TMEM232: variants seen among roughly 807,000 people sequenced by gnomAD.
The protein encoded by TMEM232 is transmembrane protein 232.
A neutral mutation model predicts 78.8 loss-of-function variants in TMEM232; 80 were observed. The ratio of observed to expected loss-of-function variants is 1.01; its 90% CI spans 0.85 to 1.22. The LOEUF is 1.22. Ranked by LOEUF, TMEM232 falls within the 50% of genes most tolerant of loss-of-function variation. The pLI is 0.00. For missense variants in TMEM232, 881 were observed against 742.2 expected (o/e 1.19, Z -2.17); for synonymous variants, 297 against 254.3 (o/e 1.17, Z -1.60).
intron 8 of TMEM232, among the ~76,000 whole-genome samples, chr5:110,617,407 G>GAATT: frequency 6.6e-6 from 1 of 152,108 alleles, no homozygotes; most frequent in African/African-American, 2.4e-5. Context: ...ATTGCTAATA[G>GAATT]AGTAAATTTT....
chr5:110,553,509 C>T (rs1474915287), intron 11 of TMEM232, among the ~76,000 whole-genome samples: 1 of 151,992 alleles, frequency 6.6e-6, no homozygotes, highest in East Asian at 1.9e-4. Context: ...ATTGCATCCT[C>T]ATTTGTCTTT....
At chr5:110,536,923 C>T (rs992967965) in intron 11 of TMEM232, among the ~76,000 whole-genome samples, 1 of 152,132 alleles carries the variant, frequency 6.6e-6, no homozygotes, top group Non-Finnish European at 1.5e-5. Flanking sequence ...TTAAGAAACA[C>T]TCATAATGGG....
intron 2 of TMEM232, among the ~76,000 whole-genome samples, chr5:110,659,461 T>C (rs1357177715): frequency 6.6e-6 from 1 of 152,060 alleles, no homozygotes; most frequent in Non-Finnish European, 1.5e-5. Flanking sequence ...CACTTACAGG[T>C]GCCTGGGAGA....
chr5:110,658,033 C>T (rs909265494), intron 2 of TMEM232, among the ~76,000 whole-genome samples: 9 of 152,016 alleles, frequency 5.9e-5, no homozygotes, highest in South Asian at 2.1e-4. Context: ...GTGTATATTA[C>T]GTTTGAATGT....
intron 5 of TMEM232, chr5:110,628,909 A>C (rs1158264823): frequency 6.6e-6 from 1 of 152,078 alleles, no homozygotes; most frequent in Admixed American, 6.6e-5. Context: ...TGATTTCCAA[A>C]TATTTTTTAT....
At position 110,680,070 on chromosome 5, in the gene TMEM232, T is replaced by A. The variant is rs1053955955; in HGVS notation, c.-12-12706A>T. On this transcript the variant is annotated intron_variant, in intron 1 of 13. Coordinates refer to ENST00000455884, the MANE Select transcript of TMEM232 (RefSeq NM_001039763.4). ...GGAGTTGTCCAGGAATGTGTGTTTG[T>A]CCTGTTTTGTTTCAAGCTCCCCAGG... Among the ~76,000 whole-genome samples, 8 of 152,176 alleles carry A rather than the reference T, an allele frequency of 5.3e-5. No homozygotes were observed. The South Asian group carries it at 1.2e-3, about 24-fold the overall frequency.
At chr5:110,537,299 T>A (rs1305523039) in intron 11 of TMEM232, among the ~76,000 whole-genome samples, 3 of 151,814 alleles carry the variant, frequency 2.0e-5, no homozygotes, top group Non-Finnish European at 2.9e-5. Context: ...ATATTTTTTT[T>A]TTTCTGCAAT....
intron 3 of TMEM232, among the ~76,000 whole-genome samples, chr5:110,391,291 A>AAG (rs1554071702): frequency 7.7e-6 from 1 of 130,578 alleles, no homozygotes; most frequent in Non-Finnish European, 1.6e-5. Context: ...TCCCGTTTGA[A>AAG]TGTGTGTGTG....
At chr5:110,693,024 C>G (rs996486837) in intron 1 of TMEM232, among the ~76,000 whole-genome samples, 6 of 152,178 alleles carry the variant, frequency 3.9e-5, no homozygotes, top group Non-Finnish European at 8.8e-5. Flanking sequence ...GGTCCCTGAC[C>G]CCCGAGTAGC....
intron 12 of TMEM232, among the ~76,000 whole-genome samples, chr5:110,514,110 T>G (rs978577785): frequency 1.3e-5 from 2 of 152,210 alleles, no homozygotes; most frequent in Non-Finnish European, 2.9e-5. Flanking sequence ...TCTTTATTTC[T>G]GTGCAGCTAA....
intron 12 of TMEM232, among the ~76,000 whole-genome samples, chr5:110,449,604 ATTACTTTCTGG>A (rs1223659376): frequency 6.6e-6 from 1 of 151,720 alleles, no homozygotes; most frequent in Non-Finnish European, 1.5e-5. Flanking sequence ...TACCTTCACA[ATTACTTTCTGG>A]ACATCTCTAC....
chr5:110,528,680 A>C lies in TMEM232; in HGVS notation c.1611T>G (p.Pro537=). The change falls in exon 12 of 14, where the codon CCT becomes CCG. Residue 537 remains proline (P), a synonymous_variant. Coordinates refer to ENST00000455884, the MANE Select transcript of TMEM232 (RefSeq NM_001039763.4). The stretch of plus-strand genomic sequence containing the variant: ...CCTTTTTTATTGATGGTTTCTTCAA[A>C]GGAAGAAAATGGGCCTCAATGGGGG... ...FFPPIEAHFL[P]LKKPSIKKDQ... is the part of the protein sequence containing the mutation. 6.5e-7 allele frequency: 1 copy of C among 1,535,260 alleles called. No individual in the cohort carries two copies. Among genetic ancestry groups the C allele is most frequent in the Non-Finnish European group, 8.7e-7 (1 of 1,146,458 alleles).
chr5:110,396,824 C>G (rs754822637), intron 3 of TMEM232, among the ~76,000 whole-genome samples: 10 of 152,024 alleles, frequency 6.6e-5, no homozygotes, highest in Non-Finnish European at 1.5e-4. Flanking sequence ...AATTATTTTT[C>G]TTTCTTTTTT....
chr5:110,538,503 G>A (rs1283741246), intron 11 of TMEM232, among the ~76,000 whole-genome samples: 2 of 152,274 alleles, frequency 1.3e-5, no homozygotes, highest in Middle Eastern at 3.4e-3. Context: ...TAATGATAAT[G>A]CCATCAAAGG....
chr5:110,667,560 A>G (rs956601723), intron 1 of TMEM232, 196 bp from the exon 2 acceptor site: 2 of 359,672 alleles, frequency 5.6e-6, no homozygotes, highest in African/African-American at 4.3e-5. Flanking sequence ...AGTTACTATT[A>G]TAAGTATATA....
chr5:110,642,795 G>T (rs923750804), intron 2 of TMEM232, among the ~76,000 whole-genome samples: 1 of 152,082 alleles, frequency 6.6e-6, no homozygotes, highest in African/African-American at 2.4e-5. Context: ...TTGGATTTGA[G>T]GGAGCAAGGG....
intron 1 of TMEM232, among the ~76,000 whole-genome samples, chr5:110,675,972 T>C (rs1290816333): frequency 2.0e-5 from 3 of 152,312 alleles, no homozygotes; most frequent in Middle Eastern, 3.4e-3. Context: ...TCTCTGCTTC[T>C]ATGAGTTTGA....
Position 110,444,656 on chromosome 5 carries a change from C to A in TMEM232, c.1704-19740G>T, listed in dbSNP as rs556704557. On this transcript the variant is annotated intron_variant, in intron 12 of 13. Transcript: ENST00000455884. ...ACCCCTTAAATGTTGTTTTTAGTTGCCACGTTTTGTGGTCATTTGTTACAT... is the reference window on the plus strand; with the variant it reads ...ACCCCTTAAATGTTGTTTTTAGTTGACACGTTTTGTGGTCATTTGTTACAT... Among the ~76,000 whole-genome samples the A allele has an allele frequency of 2.0e-5, 3 of 152,214 alleles. No homozygotes were observed. In the South Asian group the frequency reaches 6.2e-4, roughly 32 times the overall value.
At chr5:110,621,158 C>T (rs1329281044) in intron 7 of TMEM232, among the ~76,000 whole-genome samples, 4 of 151,586 alleles carry the variant, frequency 2.6e-5, no homozygotes, top group Non-Finnish European at 5.9e-5. Flanking sequence ...CCACCATGCC[C>T]GGCCCATCAA....
Sources: allele counts gnomAD v4.1 joint callset (sites outside exome capture counted in the v4.1 genomes callset), GRCh38; gene constraint gnomAD v4.1.1; transcripts MANE v1.5; gene names NCBI Gene and HGNC (gene_info 2026-07-23, HGNC 2026-07-21).